Variants in VWA8 observed in about 807,000 individuals in gnomAD.
VWA8 encodes the protein von Willebrand factor A domain containing 8.
VWA8 carries 221 observed loss-of-function variants against 241.5 expected under a neutral mutation model. That is an observed-to-expected ratio of 0.91 (90% CI 0.82 to 1.02). The LOEUF is 1.02. VWA8 is among the 50% of genes least tolerant of loss of function. VWA8 has a pLI of 0.00. For synonymous variants in VWA8, 852 were observed against 827.1 expected, an observed-to-expected ratio of 1.03 and a Z score of -0.52; for missense variants, 2,322 against 2,328.7, an observed-to-expected ratio of 1.00 and a Z score of 0.06.
At chr13:41,819,684 C>T (rs1018389351) in intron 14 of VWA8, among the ~76,000 whole-genome samples, 9 of 152,172 alleles carry the variant, frequency 5.9e-5, no homozygotes, top group African/African-American at 2.2e-4. Flanking sequence ...ATATTTTCTC[C>T]ATAATGTCTT....
At chr13:41,746,713 A>T (rs1040056989) in intron 21 of VWA8, among the ~76,000 whole-genome samples, 1 of 152,250 alleles carries the variant, frequency 6.6e-6, no homozygotes, top group African/African-American at 2.4e-5. Flanking sequence ...GAAATTTAAT[A>T]AGGATATCAC....
intron 13 of VWA8, 104 bp from the exon 14 acceptor site, chr13:41,830,746 T>G (rs1308776087): frequency 6.4e-6 from 6 of 937,866 alleles, no homozygotes; most frequent in Non-Finnish European, 9.5e-6. Context: ...TGCTGGCAAT[T>G]GAGTCTAATA....
chr13:41,793,819 A>T (rs1250805587), intron 17 of VWA8, among the ~76,000 whole-genome samples: 3 of 152,240 alleles, frequency 2.0e-5, no homozygotes, highest in Non-Finnish European at 4.4e-5. Context: ...CATCTCAAAA[A>T]AAATAAATAA....
intron 20 of VWA8, among the ~76,000 whole-genome samples, chr13:41,761,797 C>T (rs1440664373): frequency 3.3e-5 from 5 of 152,062 alleles, no homozygotes; most frequent in South Asian, 4.1e-4. Context: ...TTCCTTACCA[C>T]TTACTGCTGC....
chr13:41,578,423 A>G (rs1233626862), intron 42 of VWA8, among the ~76,000 whole-genome samples: 1 of 152,206 alleles, frequency 6.6e-6, no homozygotes, highest in Non-Finnish European at 1.5e-5. Flanking sequence ...ACTGCAGATT[A>G]TATTAAGCTT....
intron 37 of VWA8, among the ~76,000 whole-genome samples, chr13:41,651,314 G>T (rs1404819513): frequency 2.6e-5 from 4 of 152,158 alleles, no homozygotes; most frequent in African/African-American, 9.7e-5. Flanking sequence ...TCTGTAAATT[G>T]CTTTGGACAG....
intron 4 of VWA8, among the ~76,000 whole-genome samples, chr13:41,896,491 T>C (rs1253928834): frequency 6.6e-6 from 1 of 152,052 alleles, no homozygotes; most frequent in African/African-American, 2.4e-5. Context: ...TACATTCAAA[T>C]TGGTCTATAC....
chr13:41,691,399 T>C lies in VWA8; in HGVS notation c.3787A>G (p.Ile1263Val), dbSNP rs751782379. ...GTCTTGAGGTTGATGGGAAGTGAGA[T>C]GGTGTGAGTTCGCCCTTCTAGAACA... is the stretch of plus-strand genomic sequence containing the variant. ...LDVLEGRTHT[I>V]SLPINLKTVF... The change falls in exon 32 of 45, where the codon ATC (isoleucine) becomes GTC (valine). Residue 1263 changes from isoleucine to valine, a missense_variant. Physicochemically the swap from Ile to Val is conservative, Grantham distance 29. Transcript: ENST00000379310. 3 of 1,612,774 alleles carry C rather than the reference T, an allele frequency of 1.9e-6. No individual in the cohort carries two copies. The highest frequency in any genetic ancestry group is 1.7e-5 in the Admixed American group (1 of 59,920).
rs747154096 is a variant in VWA8 at position 41,891,372 on chromosome 13, C to T, written c.651+48G>A. The stretch of plus-strand genomic sequence containing the variant: ...TGTCTTACACAATAAAATGGCACTG[C>T]CCATAGCTTGACAGCAAAGACAAAG... On this transcript the variant is annotated intron_variant, in intron 5 of 44. Coordinates refer to ENST00000379310, the MANE Select transcript of VWA8 (RefSeq NM_015058.2). 2.5e-6 allele frequency: 4 copies of T among 1,608,648 alleles called. No individual in the cohort carries two copies. In the East Asian group the frequency reaches 6.7e-5, roughly 27 times the overall value.
intron 21 of VWA8, among the ~76,000 whole-genome samples, chr13:41,741,323 T>C (rs113631605): frequency 3.9e-5 from 6 of 152,330 alleles, no homozygotes; most frequent in Middle Eastern, 3.4e-3. Context: ...ATAAATTCCT[T>C]ACACACCGGG....
intron 4 of VWA8, among the ~76,000 whole-genome samples, chr13:41,898,795 G>C (rs2138095270): frequency 2.9e-5 from 1 of 34,198 alleles, no homozygotes; most frequent in East Asian, 8.7e-4. Flanking sequence ...GGGGGACCCA[G>C]TACACCCTCC....
intron 22 of VWA8, 27 bp downstream of exon 22, chr13:41,732,053 A>G: frequency 6.3e-7 from 1 of 1,590,424 alleles, no homozygotes. Context: ...ATACACTTGA[A>G]AATATTTCTA....
intron 19 of VWA8, 57 bp downstream of exon 19, chr13:41,783,738 G>T: frequency 1.7e-6 from 2 of 1,170,522 alleles, no homozygotes; most frequent in South Asian, 1.4e-5. Context: ...CACTTGAATT[G>T]GAGTGTACTA....
intron 37 of VWA8, among the ~76,000 whole-genome samples, chr13:41,624,577 A>G (rs2044676953): frequency 6.6e-6 from 1 of 152,204 alleles, no homozygotes. Flanking sequence ...CGAAAACCAC[A>G]TGATCATCTC....
chr13:41,898,439 T>C (rs914833751), intron 4 of VWA8, among the ~76,000 whole-genome samples: 10 of 152,246 alleles, frequency 6.6e-5, no homozygotes, highest in Admixed American at 4.6e-4. Context: ...CCGGTGCTGA[T>C]TGGTGTGTTT....
chr13:41,688,377 A>C (rs1163600080), intron 34 of VWA8, among the ~76,000 whole-genome samples: 3 of 152,156 alleles, frequency 2.0e-5, no homozygotes, highest in African/African-American at 7.2e-5. Flanking sequence ...TATAAAAATT[A>C]AATGTTTAGT....
chr13:41,729,461 T>C, intron 23 of VWA8, 81 bp downstream of exon 23: 1 of 1,350,266 alleles, frequency 7.4e-7, no homozygotes, highest in Non-Finnish European at 9.9e-7. Flanking sequence ...TGTAAATAAG[T>C]AGGCAGCTAA....
chr13:41,790,283 T>C (rs1278836127), intron 17 of VWA8, among the ~76,000 whole-genome samples: 1 of 152,172 alleles, frequency 6.6e-6, no homozygotes, highest in Non-Finnish European at 1.5e-5. Flanking sequence ...AATAATCTTC[T>C]AGTTTTAACA....
chr13:41,871,768 A>C (rs372907532), intron 9 of VWA8, among the ~76,000 whole-genome samples: 6 of 152,178 alleles, frequency 3.9e-5, no homozygotes, highest in East Asian at 1.9e-4. Flanking sequence ...ATAAACATAC[A>C]TGTGCATGTG....
Sources: gnomAD v4.1 joint callset for allele counts (sites outside exome capture counted in the v4.1 genomes callset) on GRCh38, gnomAD v4.1.1 for gene constraint, MANE v1.5 for transcripts, NCBI Gene and HGNC (gene_info 2026-07-23, HGNC 2026-07-21) for gene names.